LARGE1: variants seen among roughly 807,000 people sequenced by gnomAD.
The protein encoded by LARGE1 is LARGE xylosyl- and glucuronyltransferase 1.
A neutral mutation model predicts 87.6 loss-of-function variants in LARGE1; 43 were observed. That is an observed-to-expected ratio of 0.49 (90% CI 0.38 to 0.63). LARGE1 has a LOEUF of 0.63. Among genes scored for constraint, LARGE1 ranks in the 30% least tolerant of loss-of-function variants. LARGE1 has a pLI of 0.00. For missense variants in LARGE1, 802 were observed against 1,000.2 expected (o/e 0.80, Z 2.67); for synonymous variants, 434 against 394.6 (o/e 1.10, Z -1.18).
At chr22:33,563,431 AG>A (rs1385780462) in intron 6 of LARGE1, among the ~76,000 whole-genome samples, 1 of 152,246 alleles carries the variant, frequency 6.6e-6, no homozygotes, top group African/African-American at 2.4e-5. Flanking sequence ...GATAAACGCC[AG>A]TTGAAGAAAT....
intron 2 of LARGE1, among the ~76,000 whole-genome samples, chr22:33,664,739 C>T (rs904974046): frequency 6.6e-6 from 1 of 152,180 alleles, no homozygotes; most frequent in Non-Finnish European, 1.5e-5. Flanking sequence ...TGGCACATGC[C>T]TATAGTCTCA....
intron 1 of LARGE1, among the ~76,000 whole-genome samples, chr22:33,807,517 T>C (rs1308101859): frequency 2.0e-5 from 3 of 152,196 alleles, no homozygotes; most frequent in Non-Finnish European, 2.9e-5. Flanking sequence ...TGAGCCTACA[T>C]TGATACATCA....
chr22:33,558,024 C>A (rs1050362317), intron 6 of LARGE1, among the ~76,000 whole-genome samples: 1 of 152,166 alleles, frequency 6.6e-6, no homozygotes, highest in Non-Finnish European at 1.5e-5. Flanking sequence ...CTACAGACAC[C>A]AGCTGTTGGT....
intron 3 of LARGE1, among the ~76,000 whole-genome samples, chr22:33,632,934 A>G (rs2080154702): frequency 6.6e-6 from 1 of 152,186 alleles, no homozygotes; most frequent in Non-Finnish European, 1.5e-5. Context: ...ATTTCCTGTC[A>G]TCCTAGACAT....
At chr22:33,401,709 A>C (rs554905352) in intron 7 of LARGE1, among the ~76,000 whole-genome samples, 1 of 152,300 alleles carries the variant, frequency 6.6e-6, no homozygotes, top group East Asian at 1.9e-4. Context: ...ACGTAGGGAG[A>C]GGAAGCATCT....
intron 1 of LARGE1, among the ~76,000 whole-genome samples, chr22:33,851,548 T>C (rs1336471625): frequency 6.6e-6 from 1 of 152,228 alleles, no homozygotes; most frequent in Admixed American, 6.5e-5. Context: ...AAAGTTTTAT[T>C]CACCAAGCGA....
At chr22:33,469,786 C>A (rs1029177248) in intron 6 of LARGE1, among the ~76,000 whole-genome samples, 11 of 150,776 alleles carry the variant, frequency 7.3e-5, no homozygotes, top group Non-Finnish European at 1.5e-4. Context: ...CAAGATCGCA[C>A]CACTGCACTC....
intron 1 of LARGE1, among the ~76,000 whole-genome samples, chr22:33,801,927 A>G (rs993612721): frequency 2.0e-5 from 3 of 151,828 alleles, no homozygotes; most frequent in African/African-American, 4.8e-5. Flanking sequence ...ACTGTCTGAC[A>G]CCCCTAGTGT....
chr22:33,094,114 T>C, the LARGE1 span, among the ~76,000 whole-genome samples: 1 of 152,138 alleles, frequency 6.6e-6, no homozygotes, highest in Non-Finnish European at 1.5e-5. Context: ...GCATTGAGCA[T>C]ACTTTTGGGA....
chr22:33,392,189 GA>G (rs1180382487), intron 7 of LARGE1, among the ~76,000 whole-genome samples: 1 of 150,330 alleles, frequency 6.7e-6, no homozygotes, highest in East Asian at 1.9e-4. Context: ...GAAGGGGAAG[GA>G]AAAAGAAAAA....
chr22:33,886,644 G>A lies in LARGE1; in HGVS notation c.-83+33351C>T, dbSNP rs569203907. The stretch of plus-strand genomic sequence containing the variant: ...CGAGATCATGCACCTGGACAACAGA[G>A]TGAGATTCTGCCAAAAAAAAAAAAA... On this transcript the variant is annotated intron_variant, in intron 1 of 14. Coordinates refer to ENST00000397394, the MANE Select transcript of LARGE1 (RefSeq NM_133642.5). 7.0e-4 allele frequency among the ~76,000 whole-genome samples: 76 copies of A among 108,414 alleles called. 1 individual carries two copies. The highest frequency in any genetic ancestry group is 7.0e-3 in the Admixed American group (53 of 7,596). 71.1% of individuals were successfully genotyped at this position (108,414 alleles called of 152,430 possible).
At chr22:33,740,624 T>C (rs577180410) in intron 2 of LARGE1, among the ~76,000 whole-genome samples, 1 of 152,206 alleles carries the variant, frequency 6.6e-6, no homozygotes, top group Admixed American at 6.5e-5. Flanking sequence ...TATGCAATGA[T>C]CTAAGAGAAA....
At position 33,900,271 on chromosome 22, in the gene LARGE1, G is replaced by A. The variant is rs193108925; in HGVS notation, c.-83+19724C>T. Among the ~76,000 whole-genome samples the A allele has an allele frequency of 1.8e-4, 27 of 152,278 alleles. No homozygotes were observed. The East Asian group carries it at 4.8e-3, about 27-fold the overall frequency. On this transcript the variant is annotated intron_variant, in intron 1 of 14. Coordinates refer to ENST00000397394, the MANE Select transcript of LARGE1 (RefSeq NM_133642.5). ...CTAAGAAGATGCAGCTCAGCTCCCG[G>A]GTGGTGCTCCCCCTTGCAAGCCCAG...
At chr22:33,683,828 G>C (rs1201027644) in intron 2 of LARGE1, among the ~76,000 whole-genome samples, 1 of 152,166 alleles carries the variant, frequency 6.6e-6, no homozygotes, top group Non-Finnish European at 1.5e-5. Context: ...CAAGAAAACA[G>C]AGTATACTCT....
At chr22:33,572,075 C>G in intron 5 of LARGE1, 1 of 535,996 alleles carries the variant, frequency 1.9e-6, no homozygotes. Context: ...TAAGGCGTTA[C>G]TATATATGTA....
At chr22:33,346,896 T>C (rs957274824) in intron 9 of LARGE1, among the ~76,000 whole-genome samples, 3 of 152,140 alleles carry the variant, frequency 2.0e-5, no homozygotes, top group East Asian at 1.9e-4. Flanking sequence ...AAAAGTTACA[T>C]AGGGAAGCAT....
chr22:33,400,684 A>T (rs775132194), intron 7 of LARGE1, among the ~76,000 whole-genome samples: 5 of 152,156 alleles, frequency 3.3e-5, no homozygotes, highest in Non-Finnish European at 7.4e-5. Flanking sequence ...GCTCCTAAAC[A>T]GCCGAAAGGG....
At chr22:33,444,216 T>G (rs2067600573) in intron 6 of LARGE1, among the ~76,000 whole-genome samples, 1 of 152,212 alleles carries the variant, frequency 6.6e-6, no homozygotes, top group South Asian at 2.1e-4. Context: ...TAATTTTTAT[T>G]TTTTTAACAG....
chr22:33,215,360 A>G (rs1026492335), intron 11 of LARGE1, among the ~76,000 whole-genome samples: 1 of 152,152 alleles, frequency 6.6e-6, no homozygotes, highest in Non-Finnish European at 1.5e-5. Flanking sequence ...TTATGTTTAT[A>G]GGTTATTTAT....
Sources: allele counts gnomAD v4.1 joint callset (sites outside exome capture counted in the v4.1 genomes callset), GRCh38; gene constraint gnomAD v4.1.1; transcripts MANE v1.5; gene names NCBI Gene and HGNC (gene_info 2026-07-23, HGNC 2026-07-21).